Variants in PCDH7 observed in about 807,000 individuals in gnomAD.
The protein encoded by PCDH7 is protocadherin-7.
In PCDH7, 17 loss-of-function variants were observed where a neutral mutation model predicts 58.9. The observed-to-expected ratio is 0.29, with a 90% CI of 0.20 to 0.43. The LOEUF is 0.43. PCDH7 is among the 20% of genes least tolerant of loss of function. The pLI, the probability that PCDH7 is intolerant of heterozygous loss-of-function variation, is 1.00. For missense variants in PCDH7, 1,274 were observed against 1,441.0 expected (o/e 0.88, Z 1.88); for synonymous variants, 664 against 616.4 (o/e 1.08, Z -1.14).
chr4:31,056,449 A>G (rs868575529), intron 3 of PCDH7, among the ~76,000 whole-genome samples: 2,033 of 42,206 alleles, frequency 0.048, 79 homozygotes, highest in African/African-American at 0.24. Flanking sequence ...AAGGAAAGAA[A>G]GAAAGAAAGA....
intron 1 of PCDH7, among the ~76,000 whole-genome samples, chr4:30,912,139 T>TGAAA (rs1481454236): frequency 6.6e-6 from 1 of 152,176 alleles, no homozygotes; most frequent in African/African-American, 2.4e-5. Context: ...GCTATTGACT[T>TGAAA]GAAAGAAAGA....
intron 1 of PCDH7, among the ~76,000 whole-genome samples, chr4:30,839,814 G>C (rs893417300): frequency 4.6e-5 from 7 of 152,032 alleles, no homozygotes; most frequent in Admixed American, 3.9e-4. Flanking sequence ...GCTTTAAAAG[G>C]CTTGACTGGA....
exon 4 of PCDH7, chr4:31,142,591 C>A (rs1164956177): frequency 7.3e-7 from 1 of 1,367,704 alleles, no homozygotes; most frequent in South Asian, 1.1e-5. Context: ...GGAAGAAGAG[C>A]CAGCCTAAAC....
At chr4:30,946,690 T>TGTGTGTGTGTGTGTG (rs1746724379) in intron 2 of PCDH7, among the ~76,000 whole-genome samples, 103 of 137,632 alleles carry the variant, frequency 7.5e-4, no homozygotes, top group Non-Finnish European at 1.4e-4. Context: ...CTTATCTCTT[T>TGTGTGTGTGTGTGTG]TGTGTGTGTG....
At chr4:30,733,219 A>G (rs938676737), downstream of PCDH7, among the ~76,000 whole-genome samples, 3 of 152,218 alleles carry the variant, frequency 2.0e-5, no homozygotes, top group African/African-American at 7.2e-5. Flanking sequence ...TGGATATTTT[A>G]TTTTAAACTA....
rs542944081 is a variant in PCDH7 at position 30,744,287 on chromosome 4, A to C, written c.70+19691A>C. Among the ~76,000 whole-genome samples, 102 of 152,332 alleles carry C rather than the reference A, an allele frequency of 6.7e-4. 1 individual carries two copies. Among genetic ancestry groups the C allele is most frequent in the African/African-American group, 2.4e-3 (101 of 41,582 alleles). On this transcript the variant is annotated intron_variant, in intron 1 of 3. Coordinates refer to the PCDH7 transcript ENST00000509759. ...ACTAACAAATTTACATTTTTAAAAA[A>C]ATCAGCAAGTTTCCAACATTCCTTG...
intron 1 of PCDH7, among the ~76,000 whole-genome samples, chr4:30,799,097 G>A (rs1449560968): frequency 1.3e-5 from 2 of 152,160 alleles, no homozygotes; most frequent in Non-Finnish European, 1.5e-5. Context: ...GACATAGTCT[G>A]TAGAGTTACT....
intron 3 of PCDH7, among the ~76,000 whole-genome samples, chr4:31,052,868 A>G (rs1372441444): frequency 6.6e-6 from 1 of 152,178 alleles, no homozygotes; most frequent in Non-Finnish European, 1.5e-5. Context: ...TCCCTTCAGA[A>G]TAGAGATTTT....
At chr4:30,985,476 TAAGA>T (rs1177057113) in intron 3 of PCDH7, among the ~76,000 whole-genome samples, 4 of 152,190 alleles carry the variant, frequency 2.6e-5, no homozygotes, top group Admixed American at 1.3e-4. Context: ...GAAGATGGCT[TAAGA>T]AAGAGAATGG....
intron 3 of PCDH7, among the ~76,000 whole-genome samples, chr4:31,118,968 T>C (rs1227012904): frequency 6.6e-6 from 1 of 152,194 alleles, no homozygotes; most frequent in East Asian, 1.9e-4. Flanking sequence ...TAAAAACTTT[T>C]TGAGATTAAA....
At chr4:30,851,060 A>G (rs1732671342) in intron 1 of PCDH7, among the ~76,000 whole-genome samples, 1 of 152,094 alleles carries the variant, frequency 6.6e-6, no homozygotes, top group African/African-American at 2.4e-5. Flanking sequence ...ACTTTTGGAA[A>G]TGTGTCTTGT....
chr4:30,938,670 C>G (rs1745656671), intron 2 of PCDH7, among the ~76,000 whole-genome samples: 1 of 152,038 alleles, frequency 6.6e-6, no homozygotes, highest in Non-Finnish European at 1.5e-5. Flanking sequence ...TTGACAGTCT[C>G]TTAATATATT....
rs528368090 is a variant in PCDH7, at chr4:30,945,816, G to A, written c.288-4304G>A. ...AAAGGTTTCCAGATTCCTTCTCTCCGTGTTGCCAATCCTGCCGCCACCCAA... is the reference window on the plus strand; with the variant it reads ...AAAGGTTTCCAGATTCCTTCTCTCCATGTTGCCAATCCTGCCGCCACCCAA... On this transcript the variant is annotated intron_variant, in intron 2 of 3. Transcript: ENST00000509759. 2.6e-5 allele frequency among the ~76,000 whole-genome samples: 4 copies of A among 151,942 alleles called. No individual in the cohort carries two copies. The South Asian group carries it at 8.3e-4, about 32-fold the overall frequency.
chr4:31,049,411 G>C (rs184470681), intron 3 of PCDH7, among the ~76,000 whole-genome samples: 18 of 152,104 alleles, frequency 1.2e-4, no homozygotes, highest in Admixed American at 9.2e-4. Context: ...CTAGTTAGGA[G>C]AAACCAGGCA....
chr4:31,141,624 T>C (rs1472159832), intron 3 of PCDH7, among the ~76,000 whole-genome samples: 1 of 152,226 alleles, frequency 6.6e-6, no homozygotes, highest in Admixed American at 6.5e-5. Context: ...GAATTCTTTG[T>C]ACATGATTTA....
chr4:30,919,757 C>T (rs1201854533), intron 1 of PCDH7, among the ~76,000 whole-genome samples: 2 of 152,110 alleles, frequency 1.3e-5, no homozygotes, highest in Non-Finnish European at 2.9e-5. Flanking sequence ...AGTCTTCTTA[C>T]AATGGATTAG....
At chr4:31,108,396 A>AAAAAAAAAAAAAAAAAAAAAAAAAAAAAC (rs1715863787) in intron 3 of PCDH7, among the ~76,000 whole-genome samples, 1 of 112,796 alleles carries the variant, frequency 8.9e-6, no homozygotes, top group Non-Finnish European at 1.7e-5. Flanking sequence ...AAAAAAAAAA[A>AAAAAAAAAAAAAAAAAAAAAAAAAAAAAC]AAAAAAAAAA....
chr4:30,874,719 GA>G (rs66970476), intron 1 of PCDH7, among the ~76,000 whole-genome samples: 53,279 of 132,990 alleles, frequency 0.4, 9,705 homozygotes, highest in Non-Finnish European at 0.42. Context: ...TAGTGAAATT[GA>G]AAAAAAAAAA....
chr4:30,787,250 T>A (rs1352959841), intron 1 of PCDH7, among the ~76,000 whole-genome samples: 1 of 152,084 alleles, frequency 6.6e-6, no homozygotes, highest in East Asian at 1.9e-4. Context: ...TTGTTTGAAC[T>A]AATTGGATGC....
Sources: gnomAD v4.1 joint callset for allele counts (sites outside exome capture counted in the v4.1 genomes callset) on GRCh38, gnomAD v4.1.1 for gene constraint, MANE v1.5 for transcripts, NCBI Gene and HGNC (gene_info 2026-07-23, HGNC 2026-07-21) for gene names.